Variants in ERC2 observed in about 807,000 individuals in gnomAD.
The protein encoded by ERC2 is ELKS/RAB6-interacting/CAST family member 2.
In ERC2, 42 loss-of-function variants were observed where a neutral mutation model predicts 114.8. That is an observed-to-expected ratio of 0.37 (90% CI 0.29 to 0.47). The LOEUF (loss-of-function observed/expected upper bound fraction) is 0.47, where lower values mean the gene tolerates loss of function less well. Ranked by LOEUF, ERC2 falls within the 20% of genes least tolerant of loss-of-function variation. The pLI is 0.99. For synonymous variants in ERC2, 454 were observed against 425.5 expected (o/e 1.07, Z -0.82); for missense variants, 939 against 1,150.7 (o/e 0.82, Z 2.66).
intron 14 of ERC2, among the ~76,000 whole-genome samples, chr3:55,799,386 T>TATATATGCATAC (rs2070793894): frequency 5.0e-5 from 7 of 140,866 alleles, no homozygotes; most frequent in African/African-American, 1.4e-4. Context: ...ATGCCTTATA[T>TATATATGCATAC]ATATATATGC....
intron 7 of ERC2, among the ~76,000 whole-genome samples, chr3:56,064,732 G>A (rs1002452635): frequency 6.6e-6 from 1 of 152,162 alleles, no homozygotes. Context: ...TTGCCATGAA[G>A]GTTGCTATAT....
intron 14 of ERC2, among the ~76,000 whole-genome samples, chr3:55,844,815 G>A (rs1433534854): frequency 6.6e-6 from 1 of 152,122 alleles, no homozygotes; most frequent in Non-Finnish European, 1.5e-5. Flanking sequence ...AAAATACTAT[G>A]GACATATCTA....
intron 6 of ERC2, among the ~76,000 whole-genome samples, chr3:56,097,528 TA>T (rs1272167710): frequency 6.6e-6 from 1 of 152,198 alleles, no homozygotes; most frequent in Non-Finnish European, 1.5e-5. Context: ...ATTTACTGTG[TA>T]AGCATTGAGT....
At chr3:56,132,325 C>T (rs149450727) in intron 6 of ERC2, among the ~76,000 whole-genome samples, 8 of 152,252 alleles carry the variant, frequency 5.3e-5, no homozygotes, top group Admixed American at 5.2e-4. Context: ...TTTTCATTCT[C>T]AAAAGTTTGG....
At chr3:55,909,502 G>A (rs374276402) in intron 13 of ERC2, among the ~76,000 whole-genome samples, 9 of 152,180 alleles carry the variant, frequency 5.9e-5, no homozygotes, top group African/African-American at 1.9e-4. Context: ...TTCTGCCTGC[G>A]GTGGCTGTGT....
chr3:55,754,076 C>A (rs1386687997), intron 14 of ERC2, among the ~76,000 whole-genome samples: 1 of 151,960 alleles, frequency 6.6e-6, no homozygotes, highest in Non-Finnish European at 1.5e-5. Context: ...TAAATGCAAG[C>A]TATAGTTATT....
intron 7 of ERC2, among the ~76,000 whole-genome samples, chr3:56,078,171 C>T (rs546161256): frequency 6.6e-6 from 1 of 152,214 alleles, no homozygotes; most frequent in Non-Finnish European, 1.5e-5. Flanking sequence ...ATTTCTGTGT[C>T]AATTAGCTAG....
intron 17 of ERC2, among the ~76,000 whole-genome samples, chr3:55,664,161 C>G (rs1249756321): frequency 6.6e-6 from 1 of 152,094 alleles, no homozygotes. Context: ...TTTTTTCCCC[C>G]CTCTAAATCT....
chr3:56,316,447 G>A (rs562474839), intron 2 of ERC2, among the ~76,000 whole-genome samples: 4 of 152,232 alleles, frequency 2.6e-5, no homozygotes, highest in African/African-American at 9.6e-5. Flanking sequence ...GATCTAATGT[G>A]GGAGACTAGT....
At chr3:56,220,889 G>A (rs938956661) in intron 3 of ERC2, among the ~76,000 whole-genome samples, 1 of 152,106 alleles carries the variant, frequency 6.6e-6, no homozygotes, top group Non-Finnish European at 1.5e-5. Flanking sequence ...ACTATAGAAA[G>A]GAGGTTCTGA....
intron 12 of ERC2, among the ~76,000 whole-genome samples, chr3:55,963,497 C>T (rs1184402874): frequency 1.3e-5 from 2 of 152,206 alleles, no homozygotes; most frequent in African/African-American, 2.4e-5. Flanking sequence ...GACAGAGCTT[C>T]AGGACCAAAG....
intron 3 of ERC2, among the ~76,000 whole-genome samples, chr3:56,285,726 A>G (rs1419938155): frequency 2.0e-5 from 3 of 152,142 alleles, no homozygotes; most frequent in Non-Finnish European, 4.4e-5. Flanking sequence ...AACAACTACC[A>G]CATGTCAATA....
At chr3:55,712,811 T>G (rs1240364572) in intron 15 of ERC2, among the ~76,000 whole-genome samples, 2 of 152,168 alleles carry the variant, frequency 1.3e-5, no homozygotes, top group African/African-American at 4.8e-5. Flanking sequence ...TTATGCCCAT[T>G]ATCTATTTGT....
At chr3:55,730,166 G>A (rs2065168849) in intron 15 of ERC2, among the ~76,000 whole-genome samples, 1 of 152,120 alleles carries the variant, frequency 6.6e-6, no homozygotes, top group African/African-American at 2.4e-5. Flanking sequence ...CTAGCCACAA[G>A]CAAGGTCTTA....
intron 15 of ERC2, among the ~76,000 whole-genome samples, chr3:55,718,398 A>G (rs1309001275): frequency 6.6e-6 from 1 of 152,232 alleles, no homozygotes; most frequent in Non-Finnish European, 1.5e-5. Flanking sequence ...GATAAAAGAA[A>G]AAAGAACAGG....
intron 3 of ERC2, among the ~76,000 whole-genome samples, chr3:56,202,220 T>C (rs2048448859): frequency 6.6e-6 from 1 of 152,198 alleles, no homozygotes; most frequent in Non-Finnish European, 1.5e-5. Context: ...TCAAATTACC[T>C]TATCCATGAA....
intron 2 of ERC2, among the ~76,000 whole-genome samples, chr3:56,325,204 G>A (rs764502528): frequency 1.3e-5 from 2 of 152,078 alleles, no homozygotes; most frequent in African/African-American, 2.4e-5. Flanking sequence ...CAGCACTTTG[G>A]GAGGCCGAGA....
At chr3:55,624,647 G>A (rs989463516) in intron 17 of ERC2, among the ~76,000 whole-genome samples, 1 of 152,132 alleles carries the variant, frequency 6.6e-6, no homozygotes, top group Non-Finnish European at 1.5e-5. Flanking sequence ...GCCTTGGCTC[G>A]GGGCACTGAC....
At chr3:55,883,913 CA>C (rs1309242981) in intron 14 of ERC2, among the ~76,000 whole-genome samples, 17 of 151,906 alleles carry the variant, frequency 1.1e-4, no homozygotes, top group African/African-American at 2.4e-4. Flanking sequence ...ACAACAACAA[CA>C]ACAACAACAA....
Sources: gnomAD v4.1 joint callset for allele counts (sites outside exome capture counted in the v4.1 genomes callset) on GRCh38, gnomAD v4.1.1 for gene constraint, MANE v1.5 for transcripts, NCBI Gene and HGNC (gene_info 2026-07-23, HGNC 2026-07-21) for gene names.